The following SLIT3 variants were observed in gnomAD, a reference collection of about 807,000 sequenced individuals.
SLIT3 encodes slit guidance ligand 3.
A neutral mutation model predicts 184.0 loss-of-function variants in SLIT3; 68 were observed. That is an observed-to-expected ratio of 0.37 (90% CI 0.30 to 0.45). SLIT3 has a LOEUF of 0.45. SLIT3 is among the 20% of genes least tolerant of loss of function. SLIT3 has a pLI of 1.00. For synonymous variants in SLIT3, 831 were observed against 828.6 expected, an observed-to-expected ratio of 1.00 and a Z score of -0.05; for missense variants, 1,707 against 2,026.0, an observed-to-expected ratio of 0.84 and a Z score of 3.02.
intron 3 of SLIT3, among the ~76,000 whole-genome samples, chr5:169,203,950 T>G (rs1001307400): frequency 1.3e-5 from 2 of 152,156 alleles, no homozygotes; most frequent in Non-Finnish European, 2.9e-5. Context: ...AACAGATGAT[T>G]GGATATACAC....
intron 4 of SLIT3, among the ~76,000 whole-genome samples, chr5:169,040,770 C>T (rs1000185067): frequency 5.3e-5 from 8 of 152,028 alleles, no homozygotes; most frequent in Non-Finnish European, 2.9e-5. Flanking sequence ...TATCCCTTTT[C>T]GAAAGGAAAA....
chr5:168,759,604 T>C (rs898784450), intron 16 of SLIT3, among the ~76,000 whole-genome samples: 6 of 152,108 alleles, frequency 3.9e-5, no homozygotes, highest in Non-Finnish European at 8.8e-5. Context: ...GTTTACAGCA[T>C]GAGAGGTGAC....
chr5:169,092,369 C>T (rs970656440), intron 4 of SLIT3, among the ~76,000 whole-genome samples: 3 of 152,184 alleles, frequency 2.0e-5, no homozygotes, highest in African/African-American at 7.2e-5. Context: ...TGGGAAAGGA[C>T]ATATGGACCA....
chr5:168,751,535 A>C (rs1243996518), intron 18 of SLIT3, among the ~76,000 whole-genome samples: 1 of 152,198 alleles, frequency 6.6e-6, no homozygotes, highest in Non-Finnish European at 1.5e-5. Flanking sequence ...TCACTTTCCC[A>C]AGGTCACACA....
rs756533187 is a variant in SLIT3 at position 168,749,618 on chromosome 5, G to A, written c.1991C>T (p.Pro664Leu). 1.2e-6 allele frequency: 2 copies of A among 1,614,178 alleles called. No homozygotes were observed. Among genetic ancestry groups the A allele is most frequent in the Non-Finnish European group, 8.5e-7 (1 of 1,180,008 alleles). The change falls in exon 19 of 36, where the codon CCC becomes CTC. Residue 664 changes from proline to leucine, a missense_variant. Pro to Leu is a moderately conservative substitution (Grantham distance 98). Coordinates refer to ENST00000519560, the MANE Select transcript of SLIT3 (RefSeq NM_003062.4). Reference sequence around the variant, plus strand: ...GGCCAGGTGGCAGTTGCAGTTGAAGGGGTTGGACAGGAGGTTTCTAGGAAG... The same window carrying A: ...GGCCAGGTGGCAGTTGCAGTTGAAGAGGTTGGACAGGAGGTTTCTAGGAAG... ...SLSTINLLSNPFNCNCHLAWL... is the reference protein window; with the variant it reads ...SLSTINLLSNLFNCNCHLAWL...
intron 5 of SLIT3, among the ~76,000 whole-genome samples, chr5:168,873,048 A>G (rs1038797170): frequency 1.8e-4 from 28 of 152,090 alleles, no homozygotes; most frequent in Non-Finnish European, 3.8e-4. Flanking sequence ...CCAAGCCAGA[A>G]ATGCTTTTCC....
chr5:169,168,775 G>T (rs973337589), intron 4 of SLIT3, among the ~76,000 whole-genome samples: 5 of 152,218 alleles, frequency 3.3e-5, no homozygotes, highest in Non-Finnish European at 7.3e-5. Context: ...GGGATGCTCT[G>T]ATGGCTGATG....
At chr5:168,987,409 G>A (rs1161877480) in intron 4 of SLIT3, among the ~76,000 whole-genome samples, 1 of 152,144 alleles carries the variant, frequency 6.6e-6, no homozygotes, top group Non-Finnish European at 1.5e-5. Context: ...TCCAGACCAT[G>A]AGCTTTAGGG....
intron 4 of SLIT3, among the ~76,000 whole-genome samples, chr5:169,032,444 T>G (rs1757060515): frequency 6.6e-6 from 1 of 152,080 alleles, no homozygotes; most frequent in Non-Finnish European, 1.5e-5. Context: ...TTGCTCAGAA[T>G]TATAAAAATA....
chr5:168,723,112 C>T (rs1323841514), intron 21 of SLIT3, 108 bp from the exon 22 acceptor site: 17 of 737,342 alleles, frequency 2.3e-5, no homozygotes, highest in Non-Finnish European at 3.0e-5. Flanking sequence ...TCTACCCATC[C>T]ACCCATCCAC....
intron 9 of SLIT3, among the ~76,000 whole-genome samples, chr5:168,804,758 A>G (rs1756898581): frequency 6.6e-6 from 1 of 152,216 alleles, no homozygotes; most frequent in Admixed American, 6.5e-5. Context: ...AGAAAGAAGA[A>G]GCGAAGTCTC....
At chr5:168,885,620 C>T (rs948200827) in intron 4 of SLIT3, among the ~76,000 whole-genome samples, 1 of 152,214 alleles carries the variant, frequency 6.6e-6, no homozygotes, top group Non-Finnish European at 1.5e-5. Flanking sequence ...CCACTACCCT[C>T]CCAGGATTGG....
At chr5:169,156,644 A>C (rs1212698192) in intron 4 of SLIT3, among the ~76,000 whole-genome samples, 1 of 152,218 alleles carries the variant, frequency 6.6e-6, no homozygotes, top group Non-Finnish European at 1.5e-5. Context: ...TTGAAAGGTA[A>C]TCATACATGA....
chr5:169,178,277 T>TG (rs1466663789), intron 4 of SLIT3, among the ~76,000 whole-genome samples: 3 of 152,254 alleles, frequency 2.0e-5, no homozygotes, highest in Non-Finnish European at 4.4e-5. Flanking sequence ...CAGGTACCTT[T>TG]GGGCTGTGCC....
chr5:168,769,138 T>C (rs952765587), intron 14 of SLIT3, among the ~76,000 whole-genome samples: 2 of 152,192 alleles, frequency 1.3e-5, no homozygotes, highest in Non-Finnish European at 2.9e-5. Context: ...TGATTTCTTG[T>C]TCTCTTCCTT....
intron 4 of SLIT3, among the ~76,000 whole-genome samples, chr5:169,066,688 T>G (rs1255335564): frequency 6.6e-6 from 1 of 152,190 alleles, no homozygotes; most frequent in Non-Finnish European, 1.5e-5. Flanking sequence ...TGTAAAGTTT[T>G]CGCCCAAGGA....
At chr5:169,211,600 T>G (rs75331919) in intron 3 of SLIT3, among the ~76,000 whole-genome samples, 4,994 of 152,240 alleles carry the variant, frequency 0.033, 305 homozygotes, top group African/African-American at 0.11. Flanking sequence ...CCTTTGGGCC[T>G]CTTCCTTTTT....
At chr5:169,236,661 G>A (rs888342920) in intron 3 of SLIT3, among the ~76,000 whole-genome samples, 12 of 151,856 alleles carry the variant, frequency 7.9e-5, no homozygotes, top group Admixed American at 2.0e-4. Flanking sequence ...TAGTAGAGAC[G>A]GGTTTTCGCC....
intron 4 of SLIT3, among the ~76,000 whole-genome samples, chr5:169,025,451 T>C (rs1481175207): frequency 6.6e-6 from 1 of 152,174 alleles, no homozygotes; most frequent in African/African-American, 2.4e-5. Flanking sequence ...CTCAAAACCA[T>C]TTTTCCCAGA....
Sources: allele counts gnomAD v4.1 joint callset (sites outside exome capture counted in the v4.1 genomes callset), GRCh38; gene constraint gnomAD v4.1.1; transcripts MANE v1.5; gene names NCBI Gene and HGNC (gene_info 2026-07-23, HGNC 2026-07-21).